CDYL2: variants seen among roughly 807,000 people sequenced by gnomAD.
CDYL2 encodes the protein chromodomain Y-like protein 2.
Under a neutral mutation model 49.4 loss-of-function variants are expected in CDYL2, and 23 were observed. The observed-to-expected ratio is 0.47, with a 90% CI of 0.34 to 0.66. The LOEUF is 0.66. Ranked by LOEUF, CDYL2 falls within the 30% of genes least tolerant of loss-of-function variation. The pLI is 0.01. For synonymous variants in CDYL2, 360 were observed against 268.8 expected, an observed-to-expected ratio of 1.34 and a Z score of -3.32; for missense variants, 678 against 656.4, an observed-to-expected ratio of 1.03 and a Z score of -0.36.
At chr16:80,619,702 C>A (rs1010807799) in intron 4 of CDYL2, among the ~76,000 whole-genome samples, 6 of 152,228 alleles carry the variant, frequency 3.9e-5, no homozygotes, top group African/African-American at 1.4e-4. Context: ...TTTCACATAA[C>A]AGTGCCCAGG....
chr16:80,706,835 GC>G (rs1334410463), intron 1 of CDYL2, among the ~76,000 whole-genome samples: 2 of 152,196 alleles, frequency 1.3e-5, no homozygotes, highest in African/African-American at 2.4e-5. Flanking sequence ...CAGAAGATAG[GC>G]CGGTCTCATT....
intron 1 of CDYL2, among the ~76,000 whole-genome samples, chr16:80,703,345 T>C (rs532915469): frequency 6.6e-6 from 1 of 152,334 alleles, no homozygotes; most frequent in Non-Finnish European, 1.5e-5. Context: ...AGGCTCTTTT[T>C]TTCGACTGTG....
At chr16:80,615,986 G>A (rs1262462745) in intron 4 of CDYL2, among the ~76,000 whole-genome samples, 1 of 152,198 alleles carries the variant, frequency 6.6e-6, no homozygotes, top group African/African-American at 2.4e-5. Flanking sequence ...GGCTGCGTGG[G>A]GAAAACTGTA....
chr16:80,617,421 T>A (rs1020772415), intron 4 of CDYL2, among the ~76,000 whole-genome samples: 1 of 152,316 alleles, frequency 6.6e-6, no homozygotes, highest in Non-Finnish European at 1.5e-5. Context: ...CTAATACACC[T>A]AGAAAGTCCA....
At chr16:80,760,446 T>C (rs946648212) in intron 1 of CDYL2, among the ~76,000 whole-genome samples, 1 of 152,208 alleles carries the variant, frequency 6.6e-6, no homozygotes. Flanking sequence ...CTATAGTCAA[T>C]AATAACGTAA....
At chr16:80,678,240 C>T (rs1394251490) in intron 2 of CDYL2, among the ~76,000 whole-genome samples, 2 of 152,166 alleles carry the variant, frequency 1.3e-5, no homozygotes, top group Non-Finnish European at 2.9e-5. Flanking sequence ...GCAATGGCAA[C>T]AAAAGCCAAA....
intron 1 of CDYL2, among the ~76,000 whole-genome samples, chr16:80,732,201 GA>G (rs1905351153): frequency 1.3e-5 from 2 of 152,296 alleles, no homozygotes; most frequent in South Asian, 4.2e-4. Flanking sequence ...TTTCACTGAT[GA>G]TGAAAACACT....
intron 1 of CDYL2, among the ~76,000 whole-genome samples, chr16:80,792,060 G>A (rs1474727385): frequency 6.6e-6 from 1 of 152,132 alleles, no homozygotes; most frequent in South Asian, 2.1e-4. Context: ...AACAAAGGAG[G>A]CTGCACTTCT....
At chr16:80,712,750 T>C (rs1055499406) in intron 1 of CDYL2, among the ~76,000 whole-genome samples, 7 of 152,114 alleles carry the variant, frequency 4.6e-5, no homozygotes, top group Non-Finnish European at 7.4e-5. Flanking sequence ...TTAAAGACAA[T>C]GCAGTCAACA....
At chr16:80,631,167 G>A (rs1412103271) in intron 3 of CDYL2, among the ~76,000 whole-genome samples, 1 of 152,228 alleles carries the variant, frequency 6.6e-6, no homozygotes, top group African/African-American at 2.4e-5. Context: ...CCCTAGCCCA[G>A]TTGGGTTGTT....
chr16:80,656,910 G>A (rs1350024330), intron 2 of CDYL2, among the ~76,000 whole-genome samples: 2 of 152,182 alleles, frequency 1.3e-5, no homozygotes, highest in Admixed American at 6.5e-5. Flanking sequence ...GGAAGCCAGG[G>A]GATGAAGTGA....
chr16:80,736,453 A>G (rs1189869918), intron 1 of CDYL2: 1 of 152,232 alleles, frequency 6.6e-6, no homozygotes, highest in African/African-American at 2.4e-5. Context: ...AGTGAGCAAG[A>G]GAGGTACAAA....
intron 2 of CDYL2, among the ~76,000 whole-genome samples, chr16:80,667,459 T>C (rs1909314232): frequency 3.9e-5 from 6 of 152,192 alleles, no homozygotes; most frequent in Admixed American, 3.9e-4. Context: ...CAGATTCCAC[T>C]TATGCATCAC....
intron 1 of CDYL2, chr16:80,736,337 G>GT (rs1231115416): frequency 6.6e-6 from 1 of 152,202 alleles, no homozygotes; most frequent in African/African-American, 2.4e-5. Context: ...GACTCCTTGC[G>GT]TGAGTTTAGT....
chr16:80,761,112 G>T (rs1175733631), intron 1 of CDYL2, among the ~76,000 whole-genome samples: 1 of 152,150 alleles, frequency 6.6e-6, no homozygotes, highest in Non-Finnish European at 1.5e-5. Flanking sequence ...GCATCACCTG[G>T]CTGGGGGGAG....
At chr16:80,721,235 T>A (rs554830853) in intron 1 of CDYL2, among the ~76,000 whole-genome samples, 33 of 152,338 alleles carry the variant, frequency 2.2e-4, no homozygotes, top group African/African-American at 7.7e-4. Flanking sequence ...ATGTTAGATA[T>A]TTTACTTGCA....
At chr16:80,670,517 T>G (rs916583163) in intron 2 of CDYL2, among the ~76,000 whole-genome samples, 5 of 152,084 alleles carry the variant, frequency 3.3e-5, no homozygotes, top group African/African-American at 1.2e-4. Context: ...AACTACCCAG[T>G]CTCGGGTGTG....
Position 80,604,466 on chromosome 16 carries a change from C to A in CDYL2, c.1443G>T (p.Met481Ile). ...LEDVNEKECL[M>I]LKQLWSSSKG... The stretch of plus-strand genomic sequence containing the variant: ...TGGAGGAGCTCCAGAGCTGCTTGAG[C>A]ATGAGGCATTCCTTCTCGTTCACGT... The change falls in exon 7 of 7, where the codon ATG (methionine) becomes ATT (isoleucine). Residue 481 changes from methionine (M) to isoleucine (I), a missense_variant. Met to Ile is a conservative substitution (Grantham distance 10, BLOSUM62 1). Transcript: ENST00000570137. 1.2e-6 allele frequency: 2 copies of A among 1,614,204 alleles called. No individual in the cohort carries two copies. Among genetic ancestry groups the A allele is most frequent in the Non-Finnish European group, 1.7e-6 (2 of 1,180,022 alleles).
At chr16:80,752,177 T>C (rs1204382339) in intron 1 of CDYL2, among the ~76,000 whole-genome samples, 1 of 152,016 alleles carries the variant, frequency 6.6e-6, no homozygotes, top group Non-Finnish European at 1.5e-5. Context: ...TTTAACAGCA[T>C]ATAAAACACA....
Sources: gnomAD v4.1 joint callset for allele counts (sites outside exome capture counted in the v4.1 genomes callset) on GRCh38, gnomAD v4.1.1 for gene constraint, MANE v1.5 for transcripts, NCBI Gene and HGNC (gene_info 2026-07-23, HGNC 2026-07-21) for gene names.